GRK3: variants seen among roughly 807,000 people sequenced by gnomAD.
The protein encoded by GRK3 is G protein-coupled receptor kinase 3.
GRK3 carries 54 observed loss-of-function variants against 95.7 expected under a neutral mutation model. That is an observed-to-expected ratio of 0.56 (90% CI 0.45 to 0.71). GRK3 has a LOEUF of 0.71. GRK3 is among the 30% of genes least tolerant of loss of function. GRK3 has a pLI of 0.00. For synonymous variants in GRK3, 281 were observed against 290.8 expected (o/e 0.97, Z 0.34); for missense variants, 649 against 851.2 (o/e 0.76, Z 2.96).
At chr22:25,634,232 T>G (rs2084684086) in intron 2 of GRK3, among the ~76,000 whole-genome samples, 1 of 152,250 alleles carries the variant, frequency 6.6e-6, no homozygotes, top group African/African-American at 2.4e-5. Flanking sequence ...TTTGTTAATT[T>G]GTTCACATGG....
At chr22:25,645,216 C>A (rs557098971) in intron 3 of GRK3, among the ~76,000 whole-genome samples, 1 of 152,242 alleles carries the variant, frequency 6.6e-6, no homozygotes, top group East Asian at 1.9e-4. Context: ...TCTCCTACAG[C>A]CTTACAGTGC....
chr22:25,676,455 G>C (rs1198466076), intron 8 of GRK3, among the ~76,000 whole-genome samples: 1 of 152,136 alleles, frequency 6.6e-6, no homozygotes, highest in Non-Finnish European at 1.5e-5. Context: ...ACTTTGGGAG[G>C]CTGAGGTGGG....
At chr22:25,705,044 A>C (rs1034512453) in intron 15 of GRK3, among the ~76,000 whole-genome samples, 1 of 152,328 alleles carries the variant, frequency 6.6e-6, no homozygotes, top group South Asian at 2.1e-4. Context: ...TATATCATAC[A>C]TATGTGTATG....
chr22:25,710,131 C>A (rs572313719), intron 16 of GRK3, 167 bp downstream of exon 16: 31 of 670,774 alleles, frequency 4.6e-5, no homozygotes, highest in Non-Finnish European at 7.9e-5. Flanking sequence ...TCCACACTCT[C>A]TTGTTACCCG....
At chr22:25,694,508 G>A (rs1474390855) in intron 12 of GRK3, among the ~76,000 whole-genome samples, 1 of 152,206 alleles carries the variant, frequency 6.6e-6, no homozygotes, top group Non-Finnish European at 1.5e-5. Flanking sequence ...TTAGTGCTGA[G>A]TCCTTTTGAC....
rs920047628 is a variant in GRK3 at position 25,719,664 on chromosome 22, C to T, written c.1791+1283C>T. ...GCTTGTCAACAAGGAAGGAGCCAAC[C>T]CTGGTGGAAGGCATCTTTTCTTTTC... On this transcript the variant is annotated intron_variant, in intron 19 of 20. Transcript: ENST00000324198. Among the ~76,000 whole-genome samples the T allele has an allele frequency of 2.3e-5, 3 of 133,074 alleles. 1 individual carries two copies. Among genetic ancestry groups the T allele is most frequent in the East Asian group, 2.2e-4 (1 of 4,610 alleles). 87.3% of individuals were successfully genotyped at this position (133,074 alleles called of 152,430 possible).
chr22:25,721,792 T>G (rs1233190408), intron 20 of GRK3, among the ~76,000 whole-genome samples: 1 of 152,228 alleles, frequency 6.6e-6, no homozygotes, highest in East Asian at 1.9e-4. Context: ...AAAGTTACAT[T>G]GTAACACAAA....
At chr22:25,681,064 T>A (rs1045625222) in intron 9 of GRK3, among the ~76,000 whole-genome samples, 7 of 152,072 alleles carry the variant, frequency 4.6e-5, no homozygotes, top group Non-Finnish European at 7.4e-5. Context: ...AAAGGAAATA[T>A]GCATGTTGGA....
At chr22:25,613,210 T>G (rs1179234916) in intron 2 of GRK3, among the ~76,000 whole-genome samples, 11 of 151,632 alleles carry the variant, frequency 7.3e-5, no homozygotes, top group Admixed American at 7.2e-4. Context: ...GGAACCAACT[T>G]CAACTTTGTT....
intron 6 of GRK3, among the ~76,000 whole-genome samples, chr22:25,671,158 G>A (rs1273508918): frequency 1.3e-5 from 2 of 151,048 alleles, no homozygotes; most frequent in Non-Finnish European, 2.9e-5. Flanking sequence ...TTGAGACCAC[G>A]GTGAAACCCC....
At chr22:25,625,110 G>A (rs1032768984) in intron 2 of GRK3, among the ~76,000 whole-genome samples, 42 of 152,118 alleles carry the variant, frequency 2.8e-4, no homozygotes, top group Admixed American at 1.2e-3. Context: ...TAGAGACGGG[G>A]TTTCACCGTG....
chr22:25,679,022 G>A, intron 9 of GRK3, 107 bp downstream of exon 9: 1 of 719,798 alleles, frequency 1.4e-6, no homozygotes. Flanking sequence ...GTGAGTTCTT[G>A]GGTGGGTTAG....
intron 2 of GRK3, among the ~76,000 whole-genome samples, chr22:25,622,671 G>A (rs1036615575): frequency 6.6e-6 from 1 of 152,198 alleles, no homozygotes; most frequent in South Asian, 2.1e-4. Context: ...GCCTCTTTAT[G>A]AAGAATGAAT....
intron 1 of GRK3, among the ~76,000 whole-genome samples, chr22:25,585,238 A>G (rs1318101366): frequency 1.3e-5 from 2 of 152,408 alleles, no homozygotes; most frequent in African/African-American, 4.8e-5. Context: ...AGTGAAGTGG[A>G]AGTAGCATGT....
At chr22:25,635,991 T>C (rs1281473633) in intron 2 of GRK3, among the ~76,000 whole-genome samples, 5 of 152,224 alleles carry the variant, frequency 3.3e-5, no homozygotes, top group African/African-American at 9.6e-5. Context: ...TAATGGGTTA[T>C]GATCTATGAC....
intron 2 of GRK3, among the ~76,000 whole-genome samples, chr22:25,607,313 A>T (rs1306129547): frequency 5.3e-5 from 8 of 152,030 alleles, no homozygotes; most frequent in African/African-American, 1.2e-4. Flanking sequence ...AGTGTACTCT[A>T]ATACCGAGTT....
intron 1 of GRK3, among the ~76,000 whole-genome samples, chr22:25,579,802 A>G (rs1042633059): frequency 5.9e-5 from 9 of 152,124 alleles, no homozygotes; most frequent in African/African-American, 1.9e-4. Context: ...GAATGGCAGC[A>G]AATTAATGTG....
intron 1 of GRK3, among the ~76,000 whole-genome samples, chr22:25,589,363 G>A (rs946836863): frequency 6.6e-6 from 1 of 152,108 alleles, no homozygotes; most frequent in African/African-American, 2.4e-5. Flanking sequence ...GATATCTGGT[G>A]TCTGGTCTTT....
chr22:25,699,832 G>A lies in GRK3; in HGVS notation c.1161-3678G>A, dbSNP rs145432612. ...TCCTGCCTCAGCCTTCCAAGTAGCT[G>A]GGACTACAGGCGCCCGCCACCACGC... On this transcript the variant is annotated intron_variant, in intron 13 of 20. Coordinates refer to ENST00000324198, the MANE Select transcript of GRK3 (RefSeq NM_005160.4). 8.1e-3 allele frequency among the ~76,000 whole-genome samples: 1,229 copies of A among 151,918 alleles called. 7 individuals carry two copies. Among genetic ancestry groups the A allele is most frequent in the Admixed American group, 0.013 (194 of 15,244 alleles).
Sources: gnomAD v4.1 joint callset for allele counts (sites outside exome capture counted in the v4.1 genomes callset) on GRCh38, gnomAD v4.1.1 for gene constraint, MANE v1.5 for transcripts, NCBI Gene and HGNC (gene_info 2026-07-23, HGNC 2026-07-21) for gene names.